RALGAPA1: variants seen among roughly 807,000 people sequenced by gnomAD.
RALGAPA1 encodes the protein Ral GTPase activating protein catalytic subunit alpha 1.
Under a neutral mutation model 269.6 loss-of-function variants are expected in RALGAPA1, and 52 were observed. The ratio of observed to expected loss-of-function variants is 0.19; its 90% CI spans 0.15 to 0.24. The LOEUF is 0.24. RALGAPA1 is among the 10% of genes least tolerant of loss of function. The pLI is 1.00. For missense variants in RALGAPA1, 1,917 were observed against 3,013.9 expected, an observed-to-expected ratio of 0.64 and a Z score of 8.52; for synonymous variants, 817 against 1,008.3, an observed-to-expected ratio of 0.81 and a Z score of 3.60.
chr14:35,554,642 G>A (rs528887865), intron 39 of RALGAPA1, among the ~76,000 whole-genome samples: 3 of 152,200 alleles, frequency 2.0e-5, no homozygotes, highest in Admixed American at 6.5e-5. Flanking sequence ...CACCGCGCCC[G>A]GCCTAAATAC....
At chr14:35,766,874 C>A (rs535386618) in intron 4 of RALGAPA1, 2 of 444,446 alleles carry the variant, frequency 4.5e-6, no homozygotes, top group South Asian at 3.6e-5. Context: ...TATTTTTACA[C>A]AGGCTGTAAA....
chr14:35,758,951 A>G (rs1460130346), intron 6 of RALGAPA1, among the ~76,000 whole-genome samples: 1 of 152,028 alleles, frequency 6.6e-6, no homozygotes, highest in African/African-American at 2.4e-5. Flanking sequence ...CATCTCTACA[A>G]AAAATTTTAA....
chr14:35,714,756 T>C (rs935215329), intron 16 of RALGAPA1, among the ~76,000 whole-genome samples: 1 of 152,234 alleles, frequency 6.6e-6, no homozygotes, highest in Non-Finnish European at 1.5e-5. Context: ...TAATTTTTTT[T>C]CCTGACATAT....
chr14:35,735,807 C>A (rs1320211860), intron 12 of RALGAPA1, among the ~76,000 whole-genome samples: 1 of 152,046 alleles, frequency 6.6e-6, no homozygotes, highest in East Asian at 1.9e-4. Context: ...AATTTTTTAA[C>A]AGAATCAAGA....
chr14:35,597,943 T>C (rs2059024558), intron 36 of RALGAPA1, among the ~76,000 whole-genome samples: 1 of 152,238 alleles, frequency 6.6e-6, no homozygotes, highest in Non-Finnish European at 1.5e-5. Context: ...GCCCAGGATA[T>C]GATCTGTCTT....
intron 35 of RALGAPA1, among the ~76,000 whole-genome samples, chr14:35,613,396 A>T (rs555009628): frequency 4.5e-4 from 69 of 152,260 alleles, no homozygotes; most frequent in Non-Finnish European, 7.8e-4. Flanking sequence ...AACCCAATTT[A>T]AAAAATAGGC....
Position 35,764,663 on chromosome 14 carries a change from A to G in RALGAPA1, c.326-1910T>C, listed in dbSNP as rs551278503. 4.6e-5 allele frequency among the ~76,000 whole-genome samples: 7 copies of G among 152,086 alleles called. No individual in the cohort carries two copies. The South Asian group carries it at 1.2e-3, about 27-fold the overall frequency. On this transcript the variant is annotated intron_variant, in intron 4 of 41. Transcript: ENST00000680220. ...TGAGCTCAAGTAATCCTCTCGCCTCAGCCCCCAGATAGCTGGGACTAAAGG... is the reference window on the plus strand; with the variant it reads ...TGAGCTCAAGTAATCCTCTCGCCTCGGCCCCCAGATAGCTGGGACTAAAGG...
intron 1 of RALGAPA1, among the ~76,000 whole-genome samples, chr14:35,787,783 T>C (rs1031641716): frequency 6.6e-6 from 1 of 151,442 alleles, no homozygotes; most frequent in South Asian, 2.1e-4. Flanking sequence ...GGTCTCACTA[T>C]GTCGCCCAGG....
Position 35,808,957 on chromosome 14 carries a change from T to C in RALGAPA1, c.-122A>G. ...AGAGAGGCTCATTAGCTCCCCAGCC[T>C]TGCGGGCCAGGGCAGAGCCGACTCC... On this transcript the variant is annotated 5_prime_UTR_variant, in exon 1 of 42. Transcript: ENST00000680220. 1.4e-6 allele frequency: 2 copies of C among 1,469,176 alleles called. No homozygotes were observed. Among genetic ancestry groups the C allele is most frequent in the Non-Finnish European group, 1.8e-6 (2 of 1,112,728 alleles). The allele number at this position is 1,469,176 out of a possible 1,614,324, so 91.0% of individuals were successfully genotyped here.
At chr14:35,674,124 G>A in intron 24 of RALGAPA1, 56 bp downstream of exon 24, 2 of 1,348,712 alleles carry the variant, frequency 1.5e-6, no homozygotes, top group Non-Finnish European at 2.1e-6. Context: ...TCTATAAAAA[G>A]TTTAAGATTT....
chr14:35,585,426 T>C (rs1427163649), intron 37 of RALGAPA1, among the ~76,000 whole-genome samples: 2 of 126,178 alleles, frequency 1.6e-5, no homozygotes, highest in Non-Finnish European at 3.3e-5. Context: ...TTAAGAAATA[T>C]TTTGAAACAA....
intron 6 of RALGAPA1, among the ~76,000 whole-genome samples, chr14:35,757,355 G>C (rs1382756488): frequency 6.6e-6 from 1 of 151,874 alleles, no homozygotes; most frequent in Non-Finnish European, 1.5e-5. Flanking sequence ...CCTGATCTCA[G>C]GTGATCTGCC....
In RALGAPA1 at chr14:35,723,769, T is replaced by C. The variant is rs1000965687; in HGVS notation, c.1867-505A>G. The C allele has an allele frequency of 2.0e-5, 3 of 152,146 alleles. 1 individual carries two copies. The highest frequency in any genetic ancestry group is 4.4e-5 in the Non-Finnish European group (3 of 68,008). The allele number at this position is 152,146 out of a possible 1,614,324, so 9.4% of individuals were successfully genotyped here. ...ATAAACTAAAGGTTGAAATTAAATA[T>C]TTTTAAACACAACAAATTAAAAGCA... On this transcript the variant is annotated intron_variant, in intron 14 of 41. Coordinates refer to ENST00000680220, the MANE Select transcript of RALGAPA1 (RefSeq NM_001346249.2).
At chr14:35,717,567 A>AT (rs374214081) in intron 16 of RALGAPA1, among the ~76,000 whole-genome samples, 824 of 149,446 alleles carry the variant, frequency 5.5e-3, no homozygotes, top group African/African-American at 0.017. Flanking sequence ...AACTTATTTT[A>AT]TTTTTTTTTT....
chr14:35,699,870 T>C (rs540991640), intron 17 of RALGAPA1, among the ~76,000 whole-genome samples: 3 of 139,300 alleles, frequency 2.2e-5, no homozygotes, highest in Non-Finnish European at 4.5e-5. Flanking sequence ...TTTAACCACC[T>C]GAGAGGAAGA....
At chr14:35,693,929 T>C (rs911257411) in intron 17 of RALGAPA1, among the ~76,000 whole-genome samples, 5 of 152,082 alleles carry the variant, frequency 3.3e-5, no homozygotes, top group African/African-American at 1.2e-4. Flanking sequence ...CATTAAAGTA[T>C]ACTGTCAGCT....
intron 36 of RALGAPA1, among the ~76,000 whole-genome samples, chr14:35,596,340 T>C (rs930276425): frequency 2.0e-5 from 3 of 152,090 alleles, no homozygotes; most frequent in African/African-American, 7.2e-5. Context: ...ATTATAAATA[T>C]AATACATGTT....
chr14:35,755,763 T>C (rs1161712202), intron 7 of RALGAPA1, among the ~76,000 whole-genome samples: 2 of 152,202 alleles, frequency 1.3e-5, no homozygotes, highest in East Asian at 1.9e-4. Flanking sequence ...AATTTGCCAA[T>C]AGCCACACTA....
chr14:35,698,689 C>CA (rs1339061424), intron 17 of RALGAPA1, among the ~76,000 whole-genome samples: 1 of 151,892 alleles, frequency 6.6e-6, no homozygotes, highest in Non-Finnish European at 1.5e-5. Context: ...AAGCTAGGAG[C>CA]AAAAAATGTA....
Sources: allele counts gnomAD v4.1 joint callset (sites outside exome capture counted in the v4.1 genomes callset), GRCh38; gene constraint gnomAD v4.1.1; transcripts MANE v1.5; gene names NCBI Gene and HGNC (gene_info 2026-07-23, HGNC 2026-07-21).